DYDC1: variants seen among roughly 807,000 people sequenced by gnomAD.
DYDC1 encodes DPY30 domain-containing protein 1.
A neutral mutation model predicts 27.9 loss-of-function variants in DYDC1; 21 were observed. The observed-to-expected ratio is 0.75, with a 90% CI of 0.53 to 1.08. The LOEUF is 1.08. Ranked by LOEUF, DYDC1 falls within the 50% of genes least tolerant of loss-of-function variation. The pLI is 0.00. For missense variants in DYDC1, 202 were observed against 205.9 expected (o/e 0.98, Z 0.12); for synonymous variants, 67 against 65.8 (o/e 1.02, Z -0.09).
intron 3 of DYDC1, chr10:80,344,875 G>A (rs1842516850): frequency 5.9e-6 from 1 of 169,422 alleles, no homozygotes; most frequent in Admixed American, 6.3e-5. Context: ...TCAGCTGCTT[G>A]AAAATGGACT....
chr10:80,350,965 G>A (rs1842944327), intron 3 of DYDC1, among the ~76,000 whole-genome samples: 2 of 152,132 alleles, frequency 1.3e-5, no homozygotes, highest in South Asian at 4.1e-4. Context: ...TCTTCACTCA[G>A]ACATCTGGGC....
Position 80,356,717 on chromosome 10 carries a change from C to G in DYDC1, c.-15G>C, listed in dbSNP as rs1166188688. 1.0e-6 allele frequency: 1 copy of G among 984,954 alleles called. No homozygotes were observed. The highest frequency in any genetic ancestry group is 1.1e-4 in the East Asian group (1 of 8,806). 61.0% of individuals were successfully genotyped at this position (984,954 alleles called of 1,614,324 possible). A position where few individuals can be genotyped will look rare whatever the true frequency, so the allele number is the denominator to read the frequency against. On this transcript the variant is annotated 5_prime_UTR_variant, in exon 1 of 7. Coordinates refer to ENST00000372202, the MANE Select transcript of DYDC1 (RefSeq NM_001269053.2). ...GGCCTTTCCGGTGCGCTCACCCCTA[C>G]ACACGCGCCTGCTCGCCACCCAGGA...
intron 1 of DYDC1, among the ~76,000 whole-genome samples, chr10:80,354,880 G>A (rs1222503318): frequency 6.6e-6 from 1 of 152,004 alleles, no homozygotes; most frequent in East Asian, 1.9e-4. Context: ...ACCCAGTGTT[G>A]GTAATTTGCT....
rs1456700432 is a variant in DYDC1 at position 80,352,612 on chromosome 10, T to C, written c.-9-2A>G. The C allele has an allele frequency of 6.3e-7, 1 of 1,594,944 alleles. No homozygotes were observed. The highest frequency in any genetic ancestry group is 8.5e-7 in the Non-Finnish European group (1 of 1,174,864). On this transcript the variant is annotated splice_acceptor_variant, in intron 1 of 6. Coordinates refer to ENST00000372202, the MANE Select transcript of DYDC1 (RefSeq NM_001269053.2). LOFTEE classifies it low-confidence loss of function (5UTR_SPLICE). Reference sequence around the variant, plus strand: ...ATATATTGACTCCATTTCTAACTCCTAAAAAGTAAGTGTTTTTGCATTACT... The same window carrying C: ...ATATATTGACTCCATTTCTAACTCCCAAAAAGTAAGTGTTTTTGCATTACT...
chr10:80,341,812 G>C (rs1456594131), intron 4 of DYDC1, among the ~76,000 whole-genome samples: 3 of 152,132 alleles, frequency 2.0e-5, no homozygotes, highest in Non-Finnish European at 2.9e-5. Context: ...ATCACCTGAG[G>C]TCAGGAGTTC....
chr10:80,349,642 A>C (rs1407500699), intron 3 of DYDC1, among the ~76,000 whole-genome samples: 1 of 152,242 alleles, frequency 6.6e-6, no homozygotes, highest in East Asian at 1.9e-4. Flanking sequence ...ATCAACTTTC[A>C]GACATTGGTA....
chr10:80,340,156 G>A (rs1219350681), intron 4 of DYDC1, among the ~76,000 whole-genome samples: 1 of 152,230 alleles, frequency 6.6e-6, no homozygotes, highest in Admixed American at 6.5e-5. Flanking sequence ...GGGAGCAGCA[G>A]AGGGGAGAGC....
At chr10:80,353,601 C>G (rs1367498479) in intron 1 of DYDC1, among the ~76,000 whole-genome samples, 1 of 151,014 alleles carries the variant, frequency 6.6e-6, no homozygotes, top group Non-Finnish European at 1.5e-5. Flanking sequence ...CCTGTAATCA[C>G]AGCACTTTGG....
chr10:80,337,358 A>C, intron 6 of DYDC1: 2 of 985,448 alleles, frequency 2.0e-6, no homozygotes, highest in South Asian at 4.7e-5. Flanking sequence ...AACTTTAAAC[A>C]ATTAGCACTG....
intron 1 of DYDC1, among the ~76,000 whole-genome samples, chr10:80,353,454 G>A (rs1357541562): frequency 6.7e-6 from 1 of 150,332 alleles, no homozygotes. Flanking sequence ...GAGCCACCGC[G>A]CCTGGCCGAC....
chr10:80,355,096 G>GAAA (rs79869965), intron 1 of DYDC1, among the ~76,000 whole-genome samples: 4 of 142,548 alleles, frequency 2.8e-5, no homozygotes, highest in South Asian at 4.5e-4. Flanking sequence ...TACATTTACT[G>GAAA]AAAAAAAAAA....
chr10:80,336,685 T>C (rs1037810937), intron 6 of DYDC1, among the ~76,000 whole-genome samples: 1 of 152,248 alleles, frequency 6.6e-6, no homozygotes, highest in Non-Finnish European at 1.5e-5. Flanking sequence ...CATCATTTTT[T>C]AAAAACCTGC....
chr10:80,336,328 C>A, intron 6 of DYDC1, 143 bp from the exon 7 acceptor site: 1 of 1,364,140 alleles, frequency 7.3e-7, no homozygotes, highest in Non-Finnish European at 9.4e-7. Flanking sequence ...TCAAATGATA[C>A]TCAAATTGAA....
chr10:80,346,434 T>C (rs1589508466), intron 3 of DYDC1, among the ~76,000 whole-genome samples: 1 of 145,562 alleles, frequency 6.9e-6, no homozygotes, highest in African/African-American at 2.5e-5. Flanking sequence ...AATGTGTGTC[T>C]CTTCCCTTTC....
intron 3 of DYDC1, among the ~76,000 whole-genome samples, chr10:80,349,346 A>G (rs974275293): frequency 2.6e-5 from 4 of 152,268 alleles, no homozygotes; most frequent in Admixed American, 1.3e-4. Context: ...TTTGAATTTC[A>G]TCAATAAAAC....
intron 3 of DYDC1, among the ~76,000 whole-genome samples, chr10:80,350,440 C>T (rs766068374): frequency 1.5e-4 from 23 of 152,196 alleles, no homozygotes; most frequent in African/African-American, 5.5e-4. Context: ...GGCTCCTCAT[C>T]CACAGTTGTG....
rs150389391 is a variant in DYDC1 at position 80,350,202 on chromosome 10, A to G, written c.249+1699T>C. Among the ~76,000 whole-genome samples, 16 of 152,362 alleles carry G rather than the reference A, an allele frequency of 1.1e-4. No homozygotes were observed. The East Asian group carries it at 2.9e-3, about 28-fold the overall frequency. On this transcript the variant is annotated intron_variant, in intron 3 of 6. Transcript: ENST00000372202. ...CGCCCTACTACAATACTTAGGATTC[A>G]ATGCACAGTGGATTAGTTCATACCG...
At chr10:80,348,873 T>C (rs934265321) in intron 3 of DYDC1, among the ~76,000 whole-genome samples, 25 of 152,272 alleles carry the variant, frequency 1.6e-4, no homozygotes, top group African/African-American at 6.0e-4. Context: ...TAAAACCTCA[T>C]TACAGATCAG....
At chr10:80,347,276 C>CTTTTT (rs556362145) in intron 3 of DYDC1, among the ~76,000 whole-genome samples, 4 of 90,114 alleles carry the variant, frequency 4.4e-5, no homozygotes, top group African/African-American at 4.4e-5. Context: ...AATTGGGATC[C>CTTTTT]TTTTTTTTTT....
Sources: gnomAD v4.1 joint callset for allele counts (sites outside exome capture counted in the v4.1 genomes callset) on GRCh38, gnomAD v4.1.1 for gene constraint, MANE v1.5 for transcripts, NCBI Gene and HGNC (gene_info 2026-07-23, HGNC 2026-07-21) for gene names.